Variants in GALNT11 observed in about 807,000 individuals in gnomAD.
GALNT11 encodes the protein polypeptide N-acetylgalactosaminyltransferase 11, also known as UDP-GalNAc:polypeptide N-acetylgalactosaminyltransferase 11.
GALNT11 carries 47 observed loss-of-function variants against 72.7 expected under a neutral mutation model. The ratio of observed to expected loss-of-function variants is 0.65; its 90% CI spans 0.51 to 0.82. The LOEUF (loss-of-function observed/expected upper bound fraction) is 0.82, where lower values mean the gene tolerates loss of function less well. GALNT11 is among the 40% of genes least tolerant of loss of function. GALNT11 has a pLI of 0.00. For missense variants in GALNT11, 677 were observed against 778.4 expected (o/e 0.87, Z 1.55); for synonymous variants, 270 against 286.6 (o/e 0.94, Z 0.58).
At chr7:152,062,048 C>G (rs939884140) in intron 1 of GALNT11, among the ~76,000 whole-genome samples, 1 of 152,148 alleles carries the variant, frequency 6.6e-6, no homozygotes, top group African/African-American at 2.4e-5. Flanking sequence ...GGCATTGAAT[C>G]TATAATTATC....
intron 1 of GALNT11, among the ~76,000 whole-genome samples, chr7:152,049,707 T>C (rs1301608054): frequency 6.6e-6 from 1 of 152,194 alleles, no homozygotes. Context: ...TGTCCTTTCC[T>C]TCAGGATGGC....
At chr7:152,103,406 G>GC in intron 4 of GALNT11, 128 bp downstream of exon 4, 1 of 867,696 alleles carries the variant, frequency 1.2e-6, no homozygotes, top group South Asian at 2.1e-5. Context: ...TCACAGCTGG[G>GC]CTGACCACAA....
At chr7:152,090,998 A>G (rs1444521425) in intron 1 of GALNT11, among the ~76,000 whole-genome samples, 1 of 152,050 alleles carries the variant, frequency 6.6e-6, no homozygotes, top group African/African-American at 2.4e-5. Context: ...ACATAGGGGT[A>G]GATGCAGCTG....
intron 1 of GALNT11, among the ~76,000 whole-genome samples, chr7:152,063,191 T>C (rs930072284): frequency 2.0e-4 from 31 of 152,224 alleles, no homozygotes; most frequent in Admixed American, 5.2e-4. Context: ...GGTTTAGTCT[T>C]GGGAGGGTGT....
chr7:152,112,272 G>A (rs140434250), intron 7 of GALNT11, among the ~76,000 whole-genome samples: 1 of 152,296 alleles, frequency 6.6e-6, no homozygotes, highest in African/African-American at 2.4e-5. Flanking sequence ...GGTCCATGGT[G>A]GCTCACGCCT....
rs547413216 is a variant in GALNT11 at position 152,083,357 on chromosome 7, G to T, written c.-38-10833G>T. ...ATAAATGATGGGAGGAGTAGACTCT[G>T]TTGTTTTTCCTTATGGCTAAACAGT... On this transcript the variant is annotated intron_variant, in intron 1 of 11. Coordinates refer to ENST00000430044, the MANE Select transcript of GALNT11 (RefSeq NM_022087.4). Among the ~76,000 whole-genome samples, 11 of 152,232 alleles carry T rather than the reference G, an allele frequency of 7.2e-5. No homozygotes were observed. In the East Asian group the frequency reaches 2.1e-3, roughly 29 times the overall value.
At chr7:152,028,670 CCT>C (rs1407995432) in intron 1 of GALNT11, among the ~76,000 whole-genome samples, 2 of 152,148 alleles carry the variant, frequency 1.3e-5, no homozygotes, top group East Asian at 3.9e-4. Context: ...GCCAGCTTCA[CCT>C]CTCAATCCCC....
At chr7:152,070,790 A>G (rs1277116019) in intron 1 of GALNT11, among the ~76,000 whole-genome samples, 3 of 152,186 alleles carry the variant, frequency 2.0e-5, no homozygotes, top group Admixed American at 6.5e-5. Flanking sequence ...ATCTGCCCCA[A>G]TATTCACGTA....
At position 152,107,796 on chromosome 7, in the gene GALNT11, T is replaced by C. The variant is rs563392070; in HGVS notation, c.713-242T>C. 3.7e-5 allele frequency: 13 copies of C among 351,016 alleles called. No homozygotes were observed. In the South Asian group the frequency reaches 5.1e-4, roughly 14 times the overall value. The allele number at this position is 351,016 out of a possible 1,614,324, so 21.7% of individuals were successfully genotyped here. ...AATTGCCTGTCAGTTTTTTCAAGAGTCGCGCGTATGATTTGTATGGGTCCC... is the reference window on the plus strand; with the variant it reads ...AATTGCCTGTCAGTTTTTTCAAGAGCCGCGCGTATGATTTGTATGGGTCCC... On this transcript the variant is annotated intron_variant, in intron 5 of 11. Transcript: ENST00000430044.
intron 1 of GALNT11, among the ~76,000 whole-genome samples, chr7:152,053,818 A>G (rs1215233628): frequency 6.6e-6 from 1 of 152,214 alleles, no homozygotes; most frequent in African/African-American, 2.4e-5. Context: ...ACATAAATAA[A>G]TAAACCTTTT....
intron 1 of GALNT11, among the ~76,000 whole-genome samples, chr7:152,047,424 A>G (rs1281425917): frequency 2.6e-5 from 4 of 152,122 alleles, no homozygotes; most frequent in Admixed American, 2.6e-4. Context: ...AAATCACACC[A>G]TTGCACTCCA....
At chr7:152,089,138 G>C (rs560081824) in intron 1 of GALNT11, among the ~76,000 whole-genome samples, 23 of 152,224 alleles carry the variant, frequency 1.5e-4, no homozygotes, top group African/African-American at 5.3e-4. Flanking sequence ...TTGGTGGGCA[G>C]GGGGCTAGGG....
intron 1 of GALNT11, among the ~76,000 whole-genome samples, chr7:152,050,155 C>G (rs968374735): frequency 6.6e-5 from 10 of 151,976 alleles, no homozygotes; most frequent in African/African-American, 2.2e-4. Context: ...CTTTGCTCTT[C>G]CCTCTCCTTT....
chr7:152,076,705 T>C (rs2085003405), intron 1 of GALNT11, among the ~76,000 whole-genome samples: 1 of 152,222 alleles, frequency 6.6e-6, no homozygotes. Flanking sequence ...ATACAGGTAC[T>C]GGCAGTTGGA....
intron 1 of GALNT11, among the ~76,000 whole-genome samples, chr7:152,028,820 AG>A (rs1159456037): frequency 1.3e-5 from 2 of 152,222 alleles, no homozygotes; most frequent in Non-Finnish European, 2.9e-5. Context: ...GGCCAGTGAA[AG>A]GGCCAGCAGG....
At chr7:152,041,974 T>C (rs1381687601) in intron 1 of GALNT11, among the ~76,000 whole-genome samples, 1 of 152,230 alleles carries the variant, frequency 6.6e-6, no homozygotes, top group Non-Finnish European at 1.5e-5. Flanking sequence ...ATCATAATAT[T>C]GGAGTAATAT....
rs534510466 is a variant in GALNT11, at chr7:152,028,286, C to G, written c.-39+2402C>G. On this transcript the variant is annotated intron_variant, in intron 1 of 11. Transcript: ENST00000430044. Reference sequence around the variant, plus strand: ...TTAGTCCATTTTAGAGTGCTGATTGCTCTGTTTTACAGAGTGCTGATTGGT... The same window carrying G: ...TTAGTCCATTTTAGAGTGCTGATTGGTCTGTTTTACAGAGTGCTGATTGGT... Among the ~76,000 whole-genome samples, 55 of 152,264 alleles carry G rather than the reference C, an allele frequency of 3.6e-4. 1 individual carries two copies. In the South Asian group the frequency reaches 7.7e-3, roughly 21 times the overall value.
chr7:152,092,675 T>G lies in GALNT11; in HGVS notation c.-38-1515T>G, dbSNP rs139052778. ...ATAACCTTGTACAAGAGAACCTAATTTTTACAGTGGTGCTTTACTGATGCC... is the reference window on the plus strand; with the variant it reads ...ATAACCTTGTACAAGAGAACCTAATGTTTACAGTGGTGCTTTACTGATGCC... On this transcript the variant is annotated intron_variant, in intron 1 of 11. Transcript: ENST00000430044. Among the ~76,000 whole-genome samples the G allele has an allele frequency of 3.9e-5, 6 of 152,318 alleles. No individual in the cohort carries two copies. In the East Asian group the frequency reaches 1.2e-3, roughly 29 times the overall value.
intron 7 of GALNT11, among the ~76,000 whole-genome samples, chr7:152,110,898 T>C (rs1270377761): frequency 3.3e-5 from 5 of 151,876 alleles, no homozygotes; most frequent in African/African-American, 1.2e-4. Flanking sequence ...TTTTTCTATT[T>C]TTTGTAGAGA....
Sources: gnomAD v4.1 joint callset for allele counts (sites outside exome capture counted in the v4.1 genomes callset) on GRCh38, gnomAD v4.1.1 for gene constraint, MANE v1.5 for transcripts, NCBI Gene and HGNC (gene_info 2026-07-23, HGNC 2026-07-21) for gene names.